Variants in REV3L observed in about 807,000 individuals in gnomAD.
REV3L encodes the protein REV3 like, DNA directed polymerase zeta catalytic subunit, also known as DNA polymerase zeta catalytic subunit.
In REV3L, 69 loss-of-function variants were observed where a neutral mutation model predicts 299.4. The ratio of observed to expected loss-of-function variants is 0.23; its 90% CI spans 0.19 to 0.28. The LOEUF (loss-of-function observed/expected upper bound fraction) is 0.28, where lower values mean the gene tolerates loss of function less well. Among genes scored for constraint, REV3L ranks in the 10% least tolerant of loss-of-function variants. The pLI is 1.00. For synonymous variants in REV3L, 1,238 were observed against 1,271.4 expected, an observed-to-expected ratio of 0.97 and a Z score of 0.56; for missense variants, 3,128 against 3,693.8, an observed-to-expected ratio of 0.85 and a Z score of 3.97.
intron 1 of REV3L, among the ~76,000 whole-genome samples, chr6:111,464,451 ATCT>A (rs1164781495): frequency 2.6e-5 from 4 of 152,226 alleles, no homozygotes; most frequent in African/African-American, 7.2e-5. Context: ...TAGATAAAAC[ATCT>A]TCTTAAAAAT....
intron 4 of REV3L, among the ~76,000 whole-genome samples, chr6:111,400,111 C>T (rs1562254736): frequency 6.6e-6 from 1 of 152,258 alleles, no homozygotes; most frequent in South Asian, 2.1e-4. Flanking sequence ...CTTTTTATCA[C>T]TAAATGTTAT....
At chr6:111,370,187 C>A (rs1779664858) in intron 13 of REV3L, among the ~76,000 whole-genome samples, 2 of 152,078 alleles carry the variant, frequency 1.3e-5, no homozygotes, top group Admixed American at 1.3e-4. Context: ...ATTTTAGCTG[C>A]AGGACAAGTG....
At chr6:111,326,997 C>A (rs1021880121) in intron 25 of REV3L, among the ~76,000 whole-genome samples, 7 of 152,104 alleles carry the variant, frequency 4.6e-5, no homozygotes, top group Admixed American at 4.6e-4. Context: ...AGTCATTAAT[C>A]TGAGGATAGC....
At chr6:111,448,233 A>G (rs923730957) in intron 1 of REV3L, among the ~76,000 whole-genome samples, 2 of 152,244 alleles carry the variant, frequency 1.3e-5, no homozygotes, top group African/African-American at 4.8e-5. Flanking sequence ...CTGCAGAGAA[A>G]ACAATGGAAG....
At chr6:111,358,474 T>G (rs566252724) in intron 17 of REV3L, among the ~76,000 whole-genome samples, 1 of 152,078 alleles carries the variant, frequency 6.6e-6, no homozygotes, top group African/African-American at 2.4e-5. Flanking sequence ...AATAAATAAA[T>G]GGGGTCTTGC....
intron 26 of REV3L, among the ~76,000 whole-genome samples, chr6:111,321,505 A>T (rs1271641406): frequency 6.6e-6 from 1 of 152,222 alleles, no homozygotes; most frequent in African/African-American, 2.4e-5. Flanking sequence ...GTTTCATAGA[A>T]CAATAAAATA....
In REV3L at chr6:111,312,994, CAG is replaced by C. The variant is rs1241035594; in HGVS notation, c.8604+356_8604+357del. 1.1e-4 allele frequency: 18 copies of C among 163,628 alleles called. No individual in the cohort carries two copies. In the Admixed American group the frequency reaches 1.2e-3, roughly 10 times the overall value. 10.1% of individuals were successfully genotyped at this position (163,628 alleles called of 1,614,324 possible). On this transcript the variant is annotated intron_variant, in intron 28 of 31. Coordinates refer to ENST00000368802, the MANE Select transcript of REV3L (RefSeq NM_001372078.1). ...TAAAACGTAAGGTATGGGAGGAAGTCAGAAACTTAAGGACTAAAATCAAATAA... is the reference window on the plus strand; with the variant it reads ...TAAAACGTAAGGTATGGGAGGAAGTCAAACTTAAGGACTAAAATCAAATAA...
At chr6:111,415,768 A>G (rs1432549465) in intron 2 of REV3L, among the ~76,000 whole-genome samples, 1 of 151,870 alleles carries the variant, frequency 6.6e-6, no homozygotes, top group Non-Finnish European at 1.5e-5. Context: ...ATTACTCTAA[A>G]ATTGTCACTA....
chr6:111,330,285 T>C, intron 24 of REV3L: 1 of 454,758 alleles, frequency 2.2e-6, no homozygotes, highest in Non-Finnish European at 4.4e-6. Context: ...CACTAAGCCA[T>C]CCCCTCCGGC....
chr6:111,378,579 G>A (rs1780532940), intron 11 of REV3L, among the ~76,000 whole-genome samples: 1 of 152,024 alleles, frequency 6.6e-6, no homozygotes, highest in Non-Finnish European at 1.5e-5. Flanking sequence ...CATTTTTAAC[G>A]AACCTGACAC....
At chr6:111,400,799 C>T (rs535154387) in intron 4 of REV3L, among the ~76,000 whole-genome samples, 1 of 152,104 alleles carries the variant, frequency 6.6e-6, no homozygotes, top group Non-Finnish European at 1.5e-5. Flanking sequence ...AGACTGGGTA[C>T]ATTTTCCCTT....
intron 1 of REV3L, among the ~76,000 whole-genome samples, chr6:111,436,617 C>T (rs1787586649): frequency 6.6e-6 from 1 of 151,836 alleles, no homozygotes. Context: ...TGGTAGTTAC[C>T]AGAAGCTGAG....
chr6:111,424,764 A>G (rs1785970411), intron 1 of REV3L, among the ~76,000 whole-genome samples: 1 of 152,166 alleles, frequency 6.6e-6, no homozygotes, highest in South Asian at 2.1e-4. Context: ...TGATTTGAAG[A>G]AGGGCTCACA....
chr6:111,348,752 T>C (rs1418825041), intron 20 of REV3L, among the ~76,000 whole-genome samples: 1 of 152,168 alleles, frequency 6.6e-6, no homozygotes, highest in Non-Finnish European at 1.5e-5. Context: ...TGAGCTCAAG[T>C]GATTCTCCCA....
intron 21 of REV3L, among the ~76,000 whole-genome samples, chr6:111,342,062 C>A (rs563308835): frequency 2.6e-5 from 4 of 152,152 alleles, no homozygotes; most frequent in Admixed American, 2.0e-4. Flanking sequence ...TATGTACAGA[C>A]GACAGAGTTT....
chr6:111,390,032 C>A, intron 6 of REV3L, 54 bp downstream of exon 6: 1 of 1,297,672 alleles, frequency 7.7e-7, no homozygotes. Context: ...CCACACCCGC[C>A]GGTCATTAAT....
chr6:111,351,773 C>T lies in REV3L; in HGVS notation c.7203G>A (p.Leu2401=). ...NIIKRYDPDI[L]LGYEIQMHSW... Reference sequence around the variant, plus strand: ...AATGCATCTGAATCTCATATCCTAGCAGAATATCAGGATCATACCTAAAAA... The same window carrying T: ...AATGCATCTGAATCTCATATCCTAGTAGAATATCAGGATCATACCTAAAAA... Residue 2401 remains leucine (L), a synonymous_variant, in exon 19 of 32, where the codon CTG becomes CTA. Transcript: ENST00000368802. The T allele has an allele frequency of 6.2e-7, 1 of 1,609,938 alleles. No individual in the cohort carries two copies. The highest frequency in any genetic ancestry group is 8.5e-7 in the Non-Finnish European group (1 of 1,176,528).
chr6:111,425,932 A>C (rs554808363), intron 1 of REV3L, among the ~76,000 whole-genome samples: 1 of 152,362 alleles, frequency 6.6e-6, no homozygotes, highest in African/African-American at 2.4e-5. Flanking sequence ...GGGGTATGAT[A>C]CTATGATATA....
chr6:111,365,730 G>T (rs751698801), intron 14 of REV3L, among the ~76,000 whole-genome samples: 1 of 152,106 alleles, frequency 6.6e-6, no homozygotes, highest in Admixed American at 6.6e-5. Flanking sequence ...AATTATAACT[G>T]CACTAATACA....
Sources: allele counts gnomAD v4.1 joint callset (sites outside exome capture counted in the v4.1 genomes callset), GRCh38; gene constraint gnomAD v4.1.1; transcripts MANE v1.5; gene names NCBI Gene and HGNC (gene_info 2026-07-23, HGNC 2026-07-21).